The following CNTNAP2 variants were observed in gnomAD, a reference collection of about 807,000 sequenced individuals.
CNTNAP2 encodes contactin associated protein 2.
A neutral mutation model predicts 155.2 loss-of-function variants in CNTNAP2; 98 were observed. The observed-to-expected ratio is 0.63, with a 90% confidence interval of 0.54 to 0.75. The LOEUF is 0.75. CNTNAP2 is among the 30% of genes least tolerant of loss of function. CNTNAP2 has a pLI of 0.00. For synonymous variants in CNTNAP2, 651 were observed against 631.2 expected (o/e 1.03, Z -0.47); for missense variants, 1,727 against 1,688.1 (o/e 1.02, Z -0.40).
intron 1 of CNTNAP2, among the ~76,000 whole-genome samples, chr7:146,386,186 T>A (rs1367926416): frequency 6.6e-6 from 1 of 152,102 alleles, no homozygotes. Flanking sequence ...ATTTTATACA[T>A]GTATTTATTT....
chr7:146,767,460 A>G (rs545771667), intron 1 of CNTNAP2, among the ~76,000 whole-genome samples: 67 of 152,274 alleles, frequency 4.4e-4, no homozygotes, highest in African/African-American at 1.5e-3. Flanking sequence ...TATATGTACT[A>G]TGAAGAGTAA....
intron 4 of CNTNAP2, among the ~76,000 whole-genome samples, chr7:147,072,625 C>T (rs1316226818): frequency 6.6e-6 from 1 of 152,038 alleles, no homozygotes; most frequent in Non-Finnish European, 1.5e-5. Flanking sequence ...GTAAAATCTA[C>T]AGAACTTGGT....
intron 5 of CNTNAP2, among the ~76,000 whole-genome samples, chr7:147,113,790 T>G (rs370083088): frequency 6.6e-6 from 1 of 152,064 alleles, no homozygotes; most frequent in South Asian, 2.1e-4. Flanking sequence ...AAGGATTTTT[T>G]TGTGTGTGCC....
chr7:147,855,406 G>A (rs1799018879), intron 13 of CNTNAP2, among the ~76,000 whole-genome samples: 1 of 151,982 alleles, frequency 6.6e-6, no homozygotes, highest in Non-Finnish European at 1.5e-5. Context: ...TGAGCTCTGA[G>A]TGTCATCTTA....
chr7:148,271,808 C>T (rs1381897353), intron 21 of CNTNAP2, among the ~76,000 whole-genome samples: 1 of 152,120 alleles, frequency 6.6e-6, no homozygotes, highest in Admixed American at 6.6e-5. Context: ...GAGAGACAAC[C>T]CATTTGCATT....
chr7:146,992,706 A>AT (rs57583226), intron 3 of CNTNAP2, among the ~76,000 whole-genome samples: 67 of 150,806 alleles, frequency 4.4e-4, no homozygotes, highest in South Asian at 6.3e-4. Flanking sequence ...TCATACTAAG[A>AT]TTTTTTTTTT....
intron 18 of CNTNAP2, 58 bp downstream of exon 18, chr7:148,172,536 CTATT>C: frequency 7.2e-7 from 1 of 1,389,472 alleles, no homozygotes; most frequent in Non-Finnish European, 1.0e-6. Context: ...CCCAAATCAT[CTATT>C]TAATGATTTT....
At chr7:147,024,376 A>T (rs1266714796) in intron 3 of CNTNAP2, among the ~76,000 whole-genome samples, 2 of 152,226 alleles carry the variant, frequency 1.3e-5, no homozygotes, top group African/African-American at 4.8e-5. Flanking sequence ...TCTGTAGTTT[A>T]GTTAATTTTA....
chr7:147,894,971 T>C (rs1206325365), intron 13 of CNTNAP2, among the ~76,000 whole-genome samples: 2 of 115,022 alleles, frequency 1.7e-5, no homozygotes, highest in Admixed American at 1.7e-4. Context: ...CTTTCTTTTT[T>C]TTTTTTTTTT....
intron 1 of CNTNAP2, among the ~76,000 whole-genome samples, chr7:146,265,459 T>C (rs1799980712): frequency 6.8e-6 from 1 of 147,134 alleles, no homozygotes. Flanking sequence ...CTTTCTTTCT[T>C]TTTTTTTTTT....
rs111253170 is a variant in CNTNAP2 at position 147,258,675 on chromosome 7, G to A, written c.1349-41466G>A. Among the ~76,000 whole-genome samples the A allele has an allele frequency of 7.9e-5, 12 of 152,164 alleles. No homozygotes were observed. In the South Asian group the frequency reaches 8.3e-4, roughly 11 times the overall value. ...AAGATCAGGGGTGCAAATGAACATC[G>A]AGATGATCCAATGTAAACTCTGTTT... On this transcript the variant is annotated intron_variant, in intron 8 of 23. Coordinates refer to ENST00000361727, the MANE Select transcript of CNTNAP2 (RefSeq NM_014141.6).
chr7:147,356,403 A>G (rs887858764), intron 9 of CNTNAP2, among the ~76,000 whole-genome samples: 3 of 152,118 alleles, frequency 2.0e-5, no homozygotes, highest in Non-Finnish European at 2.9e-5. Flanking sequence ...CACCACTCCT[A>G]TTCAACATAG....
intron 15 of CNTNAP2, among the ~76,000 whole-genome samples, chr7:147,984,366 G>T (rs1289173166): frequency 6.6e-6 from 1 of 152,200 alleles, no homozygotes; most frequent in Non-Finnish European, 1.5e-5. Flanking sequence ...TGGAGTTGGT[G>T]CTTAGATTTT....
chr7:147,226,535 CA>C (rs11433100), intron 8 of CNTNAP2, among the ~76,000 whole-genome samples: 133 of 146,626 alleles, frequency 9.1e-4, no homozygotes, highest in African/African-American at 2.3e-3. Flanking sequence ...GAAAAGAAGC[CA>C]AAAAAAAAAA....
chr7:148,170,342 G>A (rs1245002878), intron 17 of CNTNAP2, among the ~76,000 whole-genome samples: 1 of 152,158 alleles, frequency 6.6e-6, no homozygotes, highest in Non-Finnish European at 1.5e-5. Context: ...CTTATTGCAA[G>A]GACAAAAGCC....
intron 15 of CNTNAP2, among the ~76,000 whole-genome samples, chr7:148,109,806 A>G (rs144785435): frequency 0.01 from 1,560 of 152,344 alleles, 17 homozygotes; most frequent in South Asian, 0.044. Context: ...ATCTAAAGAC[A>G]TAAGTGACTC....
At chr7:147,024,338 C>G (rs1248283445) in intron 3 of CNTNAP2, among the ~76,000 whole-genome samples, 1 of 152,076 alleles carries the variant, frequency 6.6e-6, no homozygotes, top group Non-Finnish European at 1.5e-5. Context: ...AAAAAAAGTA[C>G]ATAAAAACTA....
chr7:148,247,667 T>TTTATTTA (rs1563010678), intron 20 of CNTNAP2, among the ~76,000 whole-genome samples: 2 of 121,798 alleles, frequency 1.6e-5, no homozygotes, highest in African/African-American at 2.9e-5. Flanking sequence ...TTATTTATTT[T>TTTATTTA]TTTGGAGATA....
At chr7:146,247,514 G>A (rs1020905703) in intron 1 of CNTNAP2, among the ~76,000 whole-genome samples, 1 of 152,002 alleles carries the variant, frequency 6.6e-6, no homozygotes, top group African/African-American at 2.4e-5. Context: ...CAGGTGGGAG[G>A]GAAAGAAGGA....
Sources: allele counts gnomAD v4.1 joint callset (sites outside exome capture counted in the v4.1 genomes callset), GRCh38; gene constraint gnomAD v4.1.1; transcripts MANE v1.5; gene names NCBI Gene and HGNC (gene_info 2026-07-23, HGNC 2026-07-21).